Variants in RHEB observed in about 807,000 individuals in gnomAD.
RHEB encodes the protein GTP-binding protein Rheb.
A neutral mutation model predicts 28.8 loss-of-function variants in RHEB; 2 were observed. The ratio of observed to expected loss-of-function variants is 0.07; its 90% CI spans 0.03 to 0.22. The LOEUF is 0.22. Ranked by LOEUF, RHEB falls within the 10% of genes least tolerant of loss-of-function variation. RHEB has a pLI of 1.00. For synonymous variants in RHEB, 69 were observed against 77.3 expected, an observed-to-expected ratio of 0.89 and a Z score of 0.56; for missense variants, 76 against 219.9, an observed-to-expected ratio of 0.35 and a Z score of 4.14.
chr7:151,468,608 C>G lies in RHEB; in HGVS notation c.463-1397G>C, dbSNP rs1010456078. On this transcript the variant is annotated intron_variant, in intron 7 of 7. Coordinates refer to ENST00000262187, the MANE Select transcript of RHEB (RefSeq NM_005614.4). The surrounding 1 kb of genome is among the most constrained non-coding windows in gnomAD (Gnocchi z 4.3). ...CCCGTGCTTACGCTCAGCTGAAAAC[C>G]TTGTTTTACACACTTCACTGGAAAA... Among the ~76,000 whole-genome samples the G allele has an allele frequency of 6.6e-6, 1 of 152,242 alleles. No homozygotes were observed. The highest frequency in any genetic ancestry group is 2.4e-5 in the African/African-American group (1 of 41,462).
chr7:151,491,874 C>A (rs1335258095), intron 1 of RHEB, among the ~76,000 whole-genome samples: 22 of 152,292 alleles, frequency 1.4e-4, no homozygotes, highest in Non-Finnish European at 2.9e-5. Flanking sequence ...ATGGATTTCA[C>A]AAAATCGCCA....
At chr7:151,491,880 C>T (rs577808363) in intron 1 of RHEB, among the ~76,000 whole-genome samples, 92 of 152,268 alleles carry the variant, frequency 6.0e-4, no homozygotes, top group African/African-American at 2.2e-3. Context: ...TTCACAAAAT[C>T]GCCAATAATT....
At chr7:151,498,551 C>T (rs555396189) in intron 1 of RHEB, among the ~76,000 whole-genome samples, 5 of 152,116 alleles carry the variant, frequency 3.3e-5, no homozygotes, top group Admixed American at 6.6e-5. Context: ...CACTTGAGCC[C>T]GGGAGGTCAA....
At chr7:151,514,219 T>C (rs1442808610) in intron 1 of RHEB, among the ~76,000 whole-genome samples, 1 of 152,172 alleles carries the variant, frequency 6.6e-6, no homozygotes, top group Non-Finnish European at 1.5e-5. Flanking sequence ...TATACAAATA[T>C]TAACCACAAA....
intron 1 of RHEB, among the ~76,000 whole-genome samples, chr7:151,518,476 A>G (rs1803120774): frequency 6.6e-6 from 1 of 152,164 alleles, no homozygotes. Flanking sequence ...ACTTCAAAAC[A>G]GCCCGAAAAG....
intron 1 of RHEB, among the ~76,000 whole-genome samples, chr7:151,491,541 G>A (rs1390592296): frequency 2.0e-5 from 3 of 152,240 alleles, no homozygotes; most frequent in Non-Finnish European, 4.4e-5. Context: ...TTTGAGACCA[G>A]CCTGGCCAAC....
chr7:151,492,935 T>G (rs1379340972), intron 1 of RHEB, among the ~76,000 whole-genome samples: 2 of 149,744 alleles, frequency 1.3e-5, no homozygotes, highest in African/African-American at 4.9e-5. Flanking sequence ...GCCTCCCGGG[T>G]TGAGGCGATT....
intron 3 of RHEB, among the ~76,000 whole-genome samples, chr7:151,481,358 T>TA (rs561406570): frequency 1.3e-3 from 191 of 152,322 alleles, no homozygotes; most frequent in African/African-American, 4.4e-3. Context: ...TGCTAACAAA[T>TA]ACCGCTATGC....
intron 3 of RHEB, among the ~76,000 whole-genome samples, chr7:151,478,229 T>C (rs1347534070): frequency 6.6e-6 from 1 of 152,120 alleles, no homozygotes; most frequent in Admixed American, 6.5e-5. Flanking sequence ...GAAACTAAAT[T>C]GTCAACATAA....
chr7:151,501,849 T>C (rs1802777813), intron 1 of RHEB: 2 of 576,300 alleles, frequency 3.5e-6, no homozygotes, highest in South Asian at 1.6e-5. Flanking sequence ...TGCCCAGAAC[T>C]GGGCCCTTAG....
chr7:151,498,159 C>T (rs767833390), intron 1 of RHEB: 11 of 1,289,668 alleles, frequency 8.5e-6, no homozygotes, highest in South Asian at 2.5e-5. Context: ...ACAACAGGTG[C>T]GTAGGTCCTG....
intron 1 of RHEB, among the ~76,000 whole-genome samples, chr7:151,507,654 C>A (rs972794171): frequency 8.6e-5 from 13 of 151,874 alleles, no homozygotes; most frequent in Middle Eastern, 3.2e-3. Context: ...ACACCCCTTC[C>A]CCAATTTTAA....
chr7:151,512,336 A>G (rs1490419201), intron 1 of RHEB, among the ~76,000 whole-genome samples: 1 of 152,146 alleles, frequency 6.6e-6, no homozygotes, highest in Non-Finnish European at 1.5e-5. Flanking sequence ...TCTGTGATAA[A>G]GTTGCTATTT....
chr7:151,501,493 C>A (rs1010916625), intron 1 of RHEB, among the ~76,000 whole-genome samples: 1 of 152,168 alleles, frequency 6.6e-6, no homozygotes, highest in Admixed American at 6.5e-5. Flanking sequence ...TCACCCATTG[C>A]CTGTGGGAAT....
chr7:151,474,400 C>T (rs914497678), intron 4 of RHEB, among the ~76,000 whole-genome samples: 21 of 152,068 alleles, frequency 1.4e-4, no homozygotes, highest in African/African-American at 4.6e-4. Flanking sequence ...AGGCTGGTCT[C>T]GAACTCCTGA....
intron 1 of RHEB, chr7:151,502,727 G>C: frequency 1.9e-6 from 3 of 1,592,734 alleles, no homozygotes; most frequent in Non-Finnish European, 2.6e-6. Context: ...AAACACAGTA[G>C]AGGCGTTTTG....
At chr7:151,509,895 G>C (rs1275380765) in intron 1 of RHEB, among the ~76,000 whole-genome samples, 1 of 152,202 alleles carries the variant, frequency 6.6e-6, no homozygotes, top group Non-Finnish European at 1.5e-5. Flanking sequence ...CAAAGGCAAA[G>C]TAGAATAGCT....
chr7:151,512,512 T>C (rs934401286), intron 1 of RHEB, among the ~76,000 whole-genome samples: 1 of 152,166 alleles, frequency 6.6e-6, no homozygotes, highest in Non-Finnish European at 1.5e-5. Context: ...TGCAACACAA[T>C]CAGAGGCCAA....
At position 151,468,132 on chromosome 7, in the gene RHEB, A is replaced by G. The variant is rs775476195; in HGVS notation, c.463-921T>C. ...TCACCAAGAATCCCCCTCCCCCATC[A>G]CTCCAGTGACTTCCACTATCCCACG... On this transcript the variant is annotated intron_variant, in intron 7 of 7. Transcript: ENST00000262187. The surrounding 1 kb of genome is among the most constrained non-coding windows in gnomAD (Gnocchi z 4.3). Among the ~76,000 whole-genome samples, 2 of 151,340 alleles carry G rather than the reference A, an allele frequency of 1.3e-5. No individual in the cohort carries two copies. The highest frequency in any genetic ancestry group is 2.9e-5 in the Non-Finnish European group (2 of 67,802).
Sources: allele counts gnomAD v4.1 joint callset (sites outside exome capture counted in the v4.1 genomes callset), GRCh38; gene constraint gnomAD v4.1.1; non-coding constraint Gnocchi (gnomAD v3.1); transcripts MANE v1.5; gene names NCBI Gene and HGNC (gene_info 2026-07-23, HGNC 2026-07-21).